Variants in RLN2 observed in about 807,000 individuals in gnomAD.
The protein encoded by RLN2 is prorelaxin H2.
Under a neutral mutation model 7.3 loss-of-function variants are expected in RLN2, and 10 were observed. That is an observed-to-expected ratio of 1.36 (90% CI 0.84 to 2.31). RLN2 has a LOEUF of 2.31. Among genes scored for constraint, RLN2 ranks in the 30% most tolerant of loss-of-function variants. The pLI is 0.00. For synonymous variants in RLN2, 103 were observed against 82.3 expected, an observed-to-expected ratio of 1.25 and a Z score of -1.36; for missense variants, 298 against 217.6, an observed-to-expected ratio of 1.37 and a Z score of -2.32.
upstream of RLN2, chr9:5,304,968 G>T (rs1485269401): frequency 1.0e-5 from 2 of 198,604 alleles, no homozygotes; most frequent in African/African-American, 2.4e-5. Context: ...AAACAAATTT[G>T]AGATCACCCA....
the RLN2 span, among the ~76,000 whole-genome samples, chr9:5,326,954 C>G: frequency 6.4e-4 from 98 of 152,124 alleles, 1 homozygote; most frequent in African/African-American, 2.2e-3. Flanking sequence ...GGAACAGCTC[C>G]AGTCTGCAAC....
the RLN2 span, among the ~76,000 whole-genome samples, chr9:5,310,620 G>C: frequency 6.6e-6 from 1 of 151,896 alleles, no homozygotes; most frequent in Non-Finnish European, 1.5e-5. Flanking sequence ...GAACATATCA[G>C]TTATAACTCT....
the RLN2 span, among the ~76,000 whole-genome samples, chr9:5,327,896 C>A: frequency 2.6e-5 from 4 of 151,890 alleles, no homozygotes; most frequent in Admixed American, 6.6e-5. Flanking sequence ...CACAACAAAA[C>A]CCCATTTGTA....
the RLN2 span, among the ~76,000 whole-genome samples, chr9:5,336,798 G>A: frequency 6.6e-6 from 1 of 151,896 alleles, no homozygotes; most frequent in Non-Finnish European, 1.5e-5. Context: ...GAGAAGAGAG[G>A]AGTAAATCTA....
the RLN2 span, among the ~76,000 whole-genome samples, chr9:5,328,258 G>A: frequency 6.6e-6 from 1 of 152,016 alleles, no homozygotes; most frequent in Non-Finnish European, 1.5e-5. Flanking sequence ...AGAACTTCGT[G>A]ACGCATGCAC....
At chr9:5,301,541 C>T (rs1210932760) in intron 1 of RLN2, among the ~76,000 whole-genome samples, 2 of 152,168 alleles carry the variant, frequency 1.3e-5, no homozygotes, top group East Asian at 3.8e-4. Flanking sequence ...GTTTAAATTA[C>T]AGTGAAAACC....
the RLN2 span, among the ~76,000 whole-genome samples, chr9:5,333,957 T>C: frequency 1.3e-5 from 2 of 151,998 alleles, no homozygotes; most frequent in Non-Finnish European, 2.9e-5. Context: ...ACACCTTTGA[T>C]AAAATTCAAC....
chr9:5,304,139 C>T (rs998615232), intron 1 of RLN2: 1 of 409,854 alleles, frequency 2.4e-6, no homozygotes, highest in African/African-American at 6.1e-5. Context: ...GCTTCCTGTT[C>T]TCAGTGCTTT....
chr9:5,308,793 G>A (rs1044665284), upstream of RLN2, among the ~76,000 whole-genome samples: 1 of 152,094 alleles, frequency 6.6e-6, no homozygotes, highest in African/African-American at 2.4e-5. Flanking sequence ...AAGAGAGCCA[G>A]ACACAGTTCC....
the RLN2 span, among the ~76,000 whole-genome samples, chr9:5,313,564 AAAT>A: frequency 3.3e-5 from 5 of 152,046 alleles, no homozygotes; most frequent in Non-Finnish European, 7.4e-5. Flanking sequence ...TTTAATTGAC[AAAT>A]AATAATTACA....
chr9:5,310,363 T>A, the RLN2 span, among the ~76,000 whole-genome samples: 1 of 151,978 alleles, frequency 6.6e-6, no homozygotes, highest in Non-Finnish European at 1.5e-5. Flanking sequence ...AGTAATTTCA[T>A]ACCCTTCCTC....
At chr9:5,318,397 T>C in the RLN2 span, among the ~76,000 whole-genome samples, 12 of 151,944 alleles carry the variant, frequency 7.9e-5, no homozygotes, top group Non-Finnish European at 1.6e-4. Context: ...CTCTTGGTGG[T>C]TTTTTTCTAT....
At chr9:5,326,206 C>G in the RLN2 span, among the ~76,000 whole-genome samples, 1 of 151,974 alleles carries the variant, frequency 6.6e-6, no homozygotes, top group African/African-American at 2.4e-5. Context: ...TTGTTTATAA[C>G]AAAAACACAA....
the RLN2 span, among the ~76,000 whole-genome samples, chr9:5,328,426 A>G: frequency 6.6e-6 from 1 of 152,024 alleles, no homozygotes. Flanking sequence ...AAGAACAAAT[A>G]TACGTTAGTT....
chr9:5,325,969 A>G, the RLN2 span, among the ~76,000 whole-genome samples: 2 of 152,086 alleles, frequency 1.3e-5, no homozygotes, highest in Non-Finnish European at 2.9e-5. Flanking sequence ...TTTAGTCAAC[A>G]GACACTTGTC....
At chr9:5,321,413 AG>A in the RLN2 span, among the ~76,000 whole-genome samples, 2,144 of 152,098 alleles carry the variant, frequency 0.014, 83 homozygotes, top group African/African-American at 0.05. Context: ...CTCTCCATCC[AG>A]CCTTAATGTT....
chr9:5,335,446 A>T, the RLN2 span: 5 of 1,613,630 alleles, frequency 3.1e-6, no homozygotes, highest in Non-Finnish European at 4.2e-6. Context: ...TAAGATTGGA[A>T]TCCTTTAATG....
the RLN2 span, among the ~76,000 whole-genome samples, chr9:5,323,500 G>C: frequency 6.6e-6 from 1 of 151,820 alleles, no homozygotes; most frequent in Non-Finnish European, 1.5e-5. Flanking sequence ...TCAATAGGCA[G>C]ATTTTTTCCC....
At chr9:5,323,099 A>C in the RLN2 span, among the ~76,000 whole-genome samples, 3 of 151,616 alleles carry the variant, frequency 2.0e-5, no homozygotes, top group African/African-American at 7.3e-5. Context: ...GGTAACCTTT[A>C]TTCACCACAC....
Sources: gnomAD v4.1 joint callset for allele counts (sites outside exome capture counted in the v4.1 genomes callset) on GRCh38, gnomAD v4.1.1 for gene constraint, MANE v1.5 for transcripts, NCBI Gene and HGNC (gene_info 2026-07-23, HGNC 2026-07-21) for gene names.